Variants in NAALADL2 observed in about 807,000 individuals in gnomAD.
The protein encoded by NAALADL2 is inactive N-acetylated-alpha-linked acidic dipeptidase-like protein 2.
In NAALADL2, 76 loss-of-function variants were observed where a neutral mutation model predicts 87.2. That is an observed-to-expected ratio of 0.87 (90% confidence interval 0.72 to 1.05). NAALADL2 has a LOEUF of 1.05. Ranked by LOEUF, NAALADL2 falls within the 50% of genes least tolerant of loss-of-function variation. The probability of loss-of-function intolerance (pLI) is 0.00; values close to 1 mark genes in which losing one functional copy is unlikely to be tolerated. For missense variants in NAALADL2, 1,089 were observed against 945.8 expected (o/e 1.15, Z -1.99); for synonymous variants, 354 against 331.0 (o/e 1.07, Z -0.75).
In NAALADL2 at chr3:175,168,952, T is replaced by C. The variant is rs192139886; in HGVS notation, c.546-64979T>C. ...TTAGTATATTCATGAGAAACAAAAG[T>C]TATTAGAGGAAGAGCAAAACAGGAT... On this transcript the variant is annotated intron_variant, in intron 2 of 13. Transcript: ENST00000454872. Among the ~76,000 whole-genome samples, 6 of 151,830 alleles carry C rather than the reference T, an allele frequency of 4.0e-5. No individual in the cohort carries two copies. In the East Asian group the frequency reaches 1.2e-3, roughly 29 times the overall value.
intron 5 of NAALADL2, among the ~76,000 whole-genome samples, chr3:175,341,664 G>T (rs761156745): frequency 6.6e-6 from 1 of 151,928 alleles, no homozygotes; most frequent in Non-Finnish European, 1.5e-5. Flanking sequence ...TATCCTTTCT[G>T]TCACTTGTTA....
chr3:175,103,928 A>G (rs1480591494), intron 2 of NAALADL2, among the ~76,000 whole-genome samples: 1 of 152,156 alleles, frequency 6.6e-6, no homozygotes, highest in Admixed American at 6.6e-5. Flanking sequence ...CAAAATATAT[A>G]TAATTTACTT....
intron 2 of NAALADL2, among the ~76,000 whole-genome samples, chr3:175,162,044 A>G (rs1032656690): frequency 6.6e-6 from 1 of 152,136 alleles, no homozygotes; most frequent in Non-Finnish European, 1.5e-5. Flanking sequence ...GTAATCTTCT[A>G]AGCTTTTACT....
intron 9 of NAALADL2, among the ~76,000 whole-genome samples, chr3:175,484,904 CTT>C (rs1445089275): frequency 6.6e-6 from 1 of 152,118 alleles, no homozygotes; most frequent in Non-Finnish European, 1.5e-5. Context: ...TCAGTGTGCT[CTT>C]TGCCTGTGTA....
At chr3:174,927,336 C>T (rs1204359939) in intron 1 of NAALADL2, among the ~76,000 whole-genome samples, 1 of 152,182 alleles carries the variant, frequency 6.6e-6, no homozygotes. Flanking sequence ...AGAAATTGAA[C>T]TCAGCTCTGC....
In NAALADL2 at chr3:175,006,967, T is replaced by C. The variant is rs1399708908; in HGVS notation, c.44-89823T>C. 2.0e-5 allele frequency among the ~76,000 whole-genome samples: 3 copies of C among 151,688 alleles called. No individual in the cohort carries two copies. The East Asian group carries it at 5.8e-4, about 29-fold the overall frequency. Reference sequence around the variant, plus strand: ...TTTTTGACACTTAATTTTGTCATTGTAAAATTCCTATTTCAATTTAATCAC... The same window carrying C: ...TTTTTGACACTTAATTTTGTCATTGCAAAATTCCTATTTCAATTTAATCAC... On this transcript the variant is annotated intron_variant, in intron 1 of 13. Coordinates refer to ENST00000454872, the MANE Select transcript of NAALADL2 (RefSeq NM_207015.3).
intron 3 of NAALADL2, among the ~76,000 whole-genome samples, chr3:174,818,856 G>A (rs772950605): frequency 7.2e-5 from 11 of 151,960 alleles, no homozygotes; most frequent in Non-Finnish European, 1.5e-5. Context: ...GGGAGGGAGT[G>A]GGGGCTTAGG....
intron 10 of NAALADL2, among the ~76,000 whole-genome samples, chr3:175,598,817 C>T (rs1722579961): frequency 1.3e-5 from 2 of 151,322 alleles, no homozygotes; most frequent in Admixed American, 6.6e-5. Context: ...CCTCTAACAG[C>T]CTTTGGTAAT....
intron 3 of NAALADL2, among the ~76,000 whole-genome samples, chr3:174,753,888 C>T (rs922060391): frequency 2.0e-5 from 3 of 152,146 alleles, no homozygotes; most frequent in Non-Finnish European, 4.4e-5. Context: ...GGATTAGTGT[C>T]CTTGTCTGAA....
intron 11 of NAALADL2, among the ~76,000 whole-genome samples, chr3:175,734,385 TC>T (rs1361874062): frequency 1.7e-3 from 252 of 152,008 alleles, no homozygotes; most frequent in African/African-American, 5.8e-3. Flanking sequence ...AAACCCCATC[TC>T]TACTAAAAAT....
chr3:175,783,047 T>C (rs1356150060), intron 13 of NAALADL2, among the ~76,000 whole-genome samples: 2 of 150,220 alleles, frequency 1.3e-5, no homozygotes, highest in Non-Finnish European at 3.0e-5. Context: ...AGGGCTCTGT[T>C]CTGTTCCATT....
chr3:175,417,058 T>G (rs912639892), intron 5 of NAALADL2, among the ~76,000 whole-genome samples: 1 of 147,666 alleles, frequency 6.8e-6, no homozygotes, highest in Non-Finnish European at 1.5e-5. Flanking sequence ...TAAATTTGGT[T>G]ACAATTGGGT....
intron 1 of NAALADL2, among the ~76,000 whole-genome samples, chr3:175,095,146 C>T (rs938697506): frequency 2.0e-5 from 3 of 152,080 alleles, no homozygotes; most frequent in African/African-American, 7.2e-5. Context: ...TCAAATGGGG[C>T]ATTCTTATTC....
chr3:175,287,802 A>G (rs1433483976), intron 4 of NAALADL2, among the ~76,000 whole-genome samples: 1 of 152,250 alleles, frequency 6.6e-6, no homozygotes, highest in Non-Finnish European at 1.5e-5. Context: ...AACACTGTGT[A>G]GAACAGAGTA....
chr3:174,846,210 T>G (rs762778369), intron 3 of NAALADL2, among the ~76,000 whole-genome samples: 12 of 152,166 alleles, frequency 7.9e-5, no homozygotes, highest in South Asian at 2.1e-4. Context: ...GCAGGAGAGA[T>G]AGTGTGGCCA....
chr3:175,068,948 T>A (rs1715047168), intron 1 of NAALADL2, among the ~76,000 whole-genome samples: 1 of 152,122 alleles, frequency 6.6e-6, no homozygotes, highest in African/African-American at 2.4e-5. Flanking sequence ...CATACGCCAC[T>A]TATGTTTTAA....
At chr3:174,612,750 A>C (rs1378803883) in intron 2 of NAALADL2, among the ~76,000 whole-genome samples, 2 of 152,084 alleles carry the variant, frequency 1.3e-5, no homozygotes, top group Non-Finnish European at 1.5e-5. Flanking sequence ...TGAATTATCT[A>C]TCTGAAAGGT....
chr3:175,007,535 T>C (rs1366138300), intron 1 of NAALADL2, among the ~76,000 whole-genome samples: 2 of 152,180 alleles, frequency 1.3e-5, no homozygotes, highest in Non-Finnish European at 2.9e-5. Flanking sequence ...CCTGGGGCTA[T>C]AGATTTAGTA....
At chr3:175,578,109 T>C (rs185242961) in intron 10 of NAALADL2, among the ~76,000 whole-genome samples, 3 of 152,242 alleles carry the variant, frequency 2.0e-5, no homozygotes, top group Admixed American at 2.0e-4. Context: ...TCTGCTTTTT[T>C]TTAAAAAATC....
Sources: allele counts gnomAD v4.1 joint callset (sites outside exome capture counted in the v4.1 genomes callset), GRCh38; gene constraint gnomAD v4.1.1; transcripts MANE v1.5; gene names NCBI Gene and HGNC (gene_info 2026-07-23, HGNC 2026-07-21).